Variants in ERCC6 observed in about 807,000 individuals in gnomAD.
ERCC6 encodes DNA excision repair protein ERCC-6.
ERCC6 carries 116 observed loss-of-function variants against 158.7 expected under a neutral mutation model. The ratio of observed to expected loss-of-function variants is 0.73; its 90% CI spans 0.63 to 0.85. The LOEUF is 0.85. ERCC6 is among the 40% of genes least tolerant of loss of function. ERCC6 has a pLI of 0.00. For synonymous variants in ERCC6, 678 were observed against 659.3 expected (o/e 1.03, Z -0.43); for missense variants, 1,698 against 1,799.4 (o/e 0.94, Z 1.02).
rs1348860164 is a variant in ERCC6 at position 49,457,246 on chromosome 10, C to CTT, written c.*1567_*1568dup. ...AGACTTATTGGCCTATTTAAAAATTCTTTCTATGACTTCTAAACAATGATG... is the reference window on the plus strand; with the variant it reads ...AGACTTATTGGCCTATTTAAAAATTCTTTTTCTATGACTTCTAAACAATGATG... On this transcript the variant is annotated 3_prime_UTR_variant, in exon 21 of 21. Coordinates refer to ENST00000355832, the MANE Select transcript of ERCC6 (RefSeq NM_000124.4). The CTT allele has an allele frequency of 2.6e-5, 4 of 152,154 alleles. No individual in the cohort carries two copies. Among genetic ancestry groups the CTT allele is most frequent in the African/African-American group, 9.7e-5 (4 of 41,444 alleles). 9.4% of individuals were successfully genotyped at this position (152,154 alleles called of 1,614,324 possible). A position where few individuals can be genotyped will look rare whatever the true frequency, so the allele number is the denominator to read the frequency against.
At chr10:49,468,421 G>A (rs1197416687) in intron 18 of ERCC6, among the ~76,000 whole-genome samples, 1 of 152,206 alleles carries the variant, frequency 6.6e-6, no homozygotes, top group Non-Finnish European at 1.5e-5. Flanking sequence ...GGAGAGCTCA[G>A]TTCATTTGTT....
intron 8 of ERCC6, chr10:49,488,053 T>A (rs1364228888): frequency 6.4e-6 from 1 of 156,158 alleles, no homozygotes; most frequent in African/African-American, 2.4e-5. Context: ...TCCAAACACT[T>A]AAGACAAATC....
chr10:49,528,375 A>C (rs369622311), intron 4 of ERCC6, 42 bp downstream of exon 4: 103 of 1,608,216 alleles, frequency 6.4e-5, no homozygotes, highest in Non-Finnish European at 8.6e-5. Flanking sequence ...GGCATCAGGC[A>C]TCAATTCAAG....
intron 4 of ERCC6, among the ~76,000 whole-genome samples, chr10:49,527,068 C>T (rs1039931787): frequency 6.6e-6 from 1 of 152,130 alleles, no homozygotes; most frequent in Non-Finnish European, 1.5e-5. Context: ...AGGGATCCCA[C>T]AAGGAACAGA....
chr10:49,482,749 A>G lies in ERCC6; in HGVS notation c.2107T>C (p.Phe703Leu). ...FPGKLGTLPV[F>L]MEQFSVPITM... ...ATGGGGACGGAGAACTGCTCCATAA[A>G]CACAGGCAACGTGCCTAACTTTCCC... is the stretch of plus-strand genomic sequence containing the variant. Residue 703 changes from phenylalanine to leucine, a missense_variant, in exon 10 of 21, where the codon TTT becomes CTT. Coordinates refer to ENST00000355832, the MANE Select transcript of ERCC6 (RefSeq NM_000124.4). 1 of 1,614,064 alleles carries G rather than the reference A, an allele frequency of 6.2e-7. No homozygotes were observed. Among genetic ancestry groups the G allele is most frequent in the Non-Finnish European group, 8.5e-7 (1 of 1,180,014 alleles).
At chr10:49,435,589 T>C in the ERCC6 span, among the ~76,000 whole-genome samples, 3 of 152,182 alleles carry the variant, frequency 2.0e-5, no homozygotes, top group Non-Finnish European at 4.4e-5. Flanking sequence ...AGAAATCATA[T>C]TGAAAATTAG....
chr10:49,520,240 C>T (rs1228602982), intron 5 of ERCC6, among the ~76,000 whole-genome samples: 1 of 152,204 alleles, frequency 6.6e-6, no homozygotes, highest in Non-Finnish European at 1.5e-5. Flanking sequence ...TGACCCCACG[C>T]TACACTTCCT....
intron 2 of ERCC6, among the ~76,000 whole-genome samples, 176 bp downstream of exon 2, chr10:49,532,367 A>C (rs1173102911): frequency 6.6e-6 from 1 of 152,156 alleles, no homozygotes; most frequent in Non-Finnish European, 1.5e-5. Context: ...GCCACTCCTA[A>C]GGGGAAGGGC....
intron 16 of ERCC6, 64 bp downstream of exon 16, chr10:49,472,312 G>A: frequency 7.1e-7 from 1 of 1,406,754 alleles, no homozygotes; most frequent in Non-Finnish European, 1.0e-6. Flanking sequence ...ACAACACTTT[G>A]GAAAAATTCC....
At chr10:49,506,850 A>G (rs1371558269) in intron 5 of ERCC6, among the ~76,000 whole-genome samples, 2 of 151,978 alleles carry the variant, frequency 1.3e-5, no homozygotes, top group African/African-American at 4.8e-5. Context: ...TTTCAAAATA[A>G]AAAGATGATG....
chr10:49,443,625 A>G, the ERCC6 span, among the ~76,000 whole-genome samples: 4 of 152,250 alleles, frequency 2.6e-5, no homozygotes, highest in African/African-American at 9.6e-5. Context: ...AGCAACTTCC[A>G]GTCCTCCAAG....
In ERCC6 at chr10:49,470,462, TTC is replaced by T; in HGVS notation, c.3496_3497del (p.Glu1166SerfsTer6). 6.2e-7 allele frequency: 1 copy of T among 1,614,158 alleles called. No individual in the cohort carries two copies. The highest frequency in any genetic ancestry group is 8.5e-7 in the Non-Finnish European group (1 of 1,180,022). Reference protein sequence around the residue: ...KRERPSQAQTEAFWENKQMEN... With the variant: ...KRERPSQAQTXAFWENKQMEN... ...CCATTTGTTTATTCTCCCAAAAAGCTTCTGTTTGAGCCTGGCTGGGTCTTTCT... is the reference window on the plus strand; with the variant it reads ...CCATTTGTTTATTCTCCCAAAAAGCTTGTTTGAGCCTGGCTGGGTCTTTCT... On this transcript the variant is annotated frameshift_variant, in exon 18 of 21. Coordinates refer to ENST00000355832, the MANE Select transcript of ERCC6 (RefSeq NM_000124.4). LOFTEE classifies it high-confidence loss of function.
chr10:49,495,995 A>G (rs1590431312), intron 7 of ERCC6, among the ~76,000 whole-genome samples: 3 of 152,170 alleles, frequency 2.0e-5, no homozygotes, highest in South Asian at 4.1e-4. Context: ...GGCCACGAAG[A>G]CTGACCTCTG....
chr10:49,484,824 A>C (rs187615677), intron 8 of ERCC6, among the ~76,000 whole-genome samples: 11 of 152,374 alleles, frequency 7.2e-5, no homozygotes, highest in Non-Finnish European at 1.6e-4. Flanking sequence ...TATTCCCTTC[A>C]GAGGAAAAAG....
chr10:49,464,444 G>T (rs1416954761), intron 18 of ERCC6, among the ~76,000 whole-genome samples: 1 of 152,218 alleles, frequency 6.6e-6, no homozygotes, highest in Non-Finnish European at 1.5e-5. Context: ...TGATAGGAAA[G>T]AAAACCCCAT....
In ERCC6 at chr10:49,456,136, T is replaced by TAA; in HGVS notation, c.*2678_*2679insTT. Reference sequence around the variant, plus strand: ...AGCAAACTAATTGCTATAATAGACTTCAAAAGACAGTAGCTTAAGCAAGTC... The same window carrying TAA: ...AGCAAACTAATTGCTATAATAGACTTAACAAAAGACAGTAGCTTAAGCAAGTC... On this transcript the variant is annotated 3_prime_UTR_variant, in exon 21 of 21. Coordinates refer to ENST00000355832, the MANE Select transcript of ERCC6 (RefSeq NM_000124.4). The TAA allele has an allele frequency of 6.6e-6, 1 of 152,310 alleles. No individual in the cohort carries two copies. The highest frequency in any genetic ancestry group is 2.1e-4 in the South Asian group (1 of 4,820). The allele number at this position is 152,310 out of a possible 1,614,324, so 9.4% of individuals were successfully genotyped here.
At chr10:49,435,509 A>G in the ERCC6 span, among the ~76,000 whole-genome samples, 1 of 152,244 alleles carries the variant, frequency 6.6e-6, no homozygotes, top group East Asian at 1.9e-4. Context: ...CTAAAAATCA[A>G]TTACAGAAAG....
chr10:49,451,176 A>ATT (rs1295546060), downstream of ERCC6, among the ~76,000 whole-genome samples: 13 of 72,150 alleles, frequency 1.8e-4, no homozygotes, highest in Admixed American at 8.6e-4. Flanking sequence ...TAGTTTCAAT[A>ATT]GTTTTTTTTT....
intron 6 of ERCC6, chr10:49,501,000 A>G: frequency 3.3e-6 from 1 of 300,648 alleles, no homozygotes; most frequent in Non-Finnish European, 6.3e-6. Flanking sequence ...CTAAACAAGC[A>G]TAAACTTACT....
Sources: allele counts gnomAD v4.1 joint callset (sites outside exome capture counted in the v4.1 genomes callset), GRCh38; gene constraint gnomAD v4.1.1; transcripts MANE v1.5; gene names NCBI Gene and HGNC (gene_info 2026-07-23, HGNC 2026-07-21).